Variants in CDK19 observed in about 807,000 individuals in gnomAD.
CDK19 encodes the protein cyclin-dependent kinase 19.
In CDK19, 20 loss-of-function variants were observed where a neutral mutation model predicts 68.3. The observed-to-expected ratio is 0.29, with a 90% CI of 0.21 to 0.43. CDK19 has a LOEUF of 0.43. Ranked by LOEUF, CDK19 falls within the 20% of genes least tolerant of loss-of-function variation. The pLI, the probability that CDK19 is intolerant of heterozygous loss-of-function variation, is 1.00. For missense variants in CDK19, 339 were observed against 623.5 expected, an observed-to-expected ratio of 0.54 and a Z score of 4.86; for synonymous variants, 221 against 222.8, an observed-to-expected ratio of 0.99 and a Z score of 0.07.
At chr6:110,767,628 T>A (rs1420507257) in intron 1 of CDK19, among the ~76,000 whole-genome samples, 5 of 151,956 alleles carry the variant, frequency 3.3e-5, no homozygotes, top group Non-Finnish European at 7.4e-5. Flanking sequence ...AGTGCTGGGA[T>A]TACTGGTGTG....
intron 1 of CDK19, among the ~76,000 whole-genome samples, chr6:110,749,080 T>G (rs1246556627): frequency 6.6e-6 from 1 of 152,208 alleles, no homozygotes; most frequent in Non-Finnish European, 1.5e-5. Flanking sequence ...TCGTGTATAT[T>G]AGATAGTATG....
At chr6:110,788,094 C>T (rs1409550566) in intron 1 of CDK19, among the ~76,000 whole-genome samples, 1 of 152,086 alleles carries the variant, frequency 6.6e-6, no homozygotes, top group African/African-American at 2.4e-5. Flanking sequence ...CCCACCTCGG[C>T]CTCCCAAATT....
At chr6:110,808,531 T>C (rs983881755) in intron 1 of CDK19, among the ~76,000 whole-genome samples, 2 of 152,196 alleles carry the variant, frequency 1.3e-5, no homozygotes, top group African/African-American at 4.8e-5. Context: ...CCTAAAATAT[T>C]TAGTATCTGC....
intron 4 of CDK19, chr6:110,646,358 C>T (rs535531180): frequency 1.4e-5 from 21 of 1,465,484 alleles, no homozygotes; most frequent in Middle Eastern, 2.2e-4. Context: ...AGTGCCTCTT[C>T]CATGTGGGCG....
intron 1 of CDK19, among the ~76,000 whole-genome samples, chr6:110,801,663 C>G (rs1055753579): frequency 3.9e-5 from 6 of 152,064 alleles, no homozygotes; most frequent in African/African-American, 1.4e-4. Flanking sequence ...AGGTGCCCAC[C>G]ACTGCACCCG....
At chr6:110,684,096 A>G (rs1290195844) in intron 2 of CDK19, among the ~76,000 whole-genome samples, 1 of 152,110 alleles carries the variant, frequency 6.6e-6, no homozygotes, top group Non-Finnish European at 1.5e-5. Context: ...TTTAAATATG[A>G]AAAATGAAAC....
chr6:110,662,705 T>C (rs890657946), intron 4 of CDK19, among the ~76,000 whole-genome samples: 1 of 152,210 alleles, frequency 6.6e-6, no homozygotes, highest in African/African-American at 2.4e-5. Flanking sequence ...AGTAATCCCA[T>C]AAAAATGAGT....
chr6:110,694,944 C>T (rs1401451182), intron 2 of CDK19, among the ~76,000 whole-genome samples: 1 of 152,144 alleles, frequency 6.6e-6, no homozygotes, highest in African/African-American at 2.4e-5. Context: ...TGGCAAAACC[C>T]CATCTCTACT....
At chr6:110,616,208 G>A (rs1056620601) in intron 12 of CDK19, among the ~76,000 whole-genome samples, 24 of 152,088 alleles carry the variant, frequency 1.6e-4, no homozygotes, top group African/African-American at 4.6e-4. Flanking sequence ...AGAACCTGTC[G>A]GGCGGTTACA....
chr6:110,810,530 T>G (rs1204578046), intron 1 of CDK19, among the ~76,000 whole-genome samples: 2 of 152,074 alleles, frequency 1.3e-5, no homozygotes, highest in Admixed American at 6.5e-5. Flanking sequence ...ATCCCAGCAC[T>G]TTGGGAGGCC....
At chr6:110,797,476 C>G (rs950355957) in intron 1 of CDK19, among the ~76,000 whole-genome samples, 1 of 151,932 alleles carries the variant, frequency 6.6e-6, no homozygotes, top group African/African-American at 2.4e-5. Context: ...TCCTTAATAA[C>G]CCATTTCTGT....
Position 110,622,111 on chromosome 6 carries a change from C to T in CDK19, c.1087G>A (p.Asp363Asn), listed in dbSNP as rs1778757370. 1 of 1,611,734 alleles carries T rather than the reference C, an allele frequency of 6.2e-7. No individual in the cohort carries two copies. The highest frequency in any genetic ancestry group is 1.3e-5 in the African/African-American group (1 of 74,832). The change falls in exon 11 of 13, where the codon GAT becomes AAT. Residue 363 changes from aspartate to asparagine, a missense_variant. This residue lies in a region of CDK19 where 155 missense variants were observed against 222.7 expected (regional missense o/e 0.70). Transcript: ENST00000368911. The stretch of plus-strand genomic sequence containing the variant: ...ACCTTGTCACCTTTTTCTTCAGGAT[C>T]ATCTTCATTAAGGAATTCTCGTTTG... ...YPKREFLNED[D>N]PEEKGDKNQQ...
At chr6:110,810,022 A>G (rs1267324316) in intron 1 of CDK19, among the ~76,000 whole-genome samples, 3 of 152,172 alleles carry the variant, frequency 2.0e-5, no homozygotes, top group African/African-American at 7.2e-5. Context: ...AGGGGGAGGG[A>G]AGAATGGCAC....
Position 110,736,297 on chromosome 6 carries a change from C to T in CDK19, c.204+9829G>A, listed in dbSNP as rs138570509. Among the ~76,000 whole-genome samples, 153 of 152,258 alleles carry T rather than the reference C, an allele frequency of 1.0e-3. 1 individual carries two copies. The highest frequency in any genetic ancestry group is 3.4e-3 in the African/African-American group (141 of 41,560). On this transcript the variant is annotated intron_variant, in intron 2 of 12. Coordinates refer to ENST00000368911, the MANE Select transcript of CDK19 (RefSeq NM_015076.5). Reference sequence around the variant, plus strand: ...CAGAGGTTGAGGTGAGCCGAGATCACGCCATTGCACTCCAGCCTGGGCAAC... The same window carrying T: ...CAGAGGTTGAGGTGAGCCGAGATCATGCCATTGCACTCCAGCCTGGGCAAC...
chr6:110,710,612 G>A (rs1294553266), intron 2 of CDK19, among the ~76,000 whole-genome samples: 1 of 152,174 alleles, frequency 6.6e-6, no homozygotes, highest in African/African-American at 2.4e-5. Context: ...TTGCTGTCTG[G>A]TGAGGGCCAC....
At chr6:110,793,072 T>A (rs1781706753) in intron 1 of CDK19, among the ~76,000 whole-genome samples, 1 of 152,214 alleles carries the variant, frequency 6.6e-6, no homozygotes, top group Non-Finnish European at 1.5e-5. Flanking sequence ...TCAAAAGATT[T>A]TGGTACATCA....
chr6:110,712,845 G>A (rs1775046635), intron 2 of CDK19, among the ~76,000 whole-genome samples: 1 of 150,678 alleles, frequency 6.6e-6, no homozygotes, highest in Non-Finnish European at 1.5e-5. Context: ...ACGGTAAGAA[G>A]TTAAGTAGAT....
intron 2 of CDK19, among the ~76,000 whole-genome samples, chr6:110,742,832 C>A (rs1417942873): frequency 1.3e-5 from 2 of 152,190 alleles, no homozygotes; most frequent in African/African-American, 4.8e-5. Context: ...AATACGTGCA[C>A]AGCGGGACAT....
intron 2 of CDK19, among the ~76,000 whole-genome samples, chr6:110,693,788 T>C (rs1477610557): frequency 6.6e-6 from 1 of 152,168 alleles, no homozygotes; most frequent in Non-Finnish European, 1.5e-5. Context: ...CCCTACCTGA[T>C]GGTTTTTCTC....
Sources: allele counts gnomAD v4.1 joint callset (sites outside exome capture counted in the v4.1 genomes callset), GRCh38; gene constraint gnomAD v4.1.1; regional missense constraint gnomAD v4.1.1; transcripts MANE v1.5; gene names NCBI Gene and HGNC (gene_info 2026-07-23, HGNC 2026-07-21).